AKAP19: variants seen among roughly 807,000 people sequenced by gnomAD.
AKAP19 encodes the protein A-kinase anchoring protein 19.
the AKAP19 span, chr2:190,200,301 GC>G: frequency 1.5e-6 from 1 of 667,616 alleles, no homozygotes; most frequent in South Asian, 2.0e-5. Context: ...AGGATGAAAT[GC>G]ATTTTAAGTA....
chr2:190,129,612 G>T, the AKAP19 span, among the ~76,000 whole-genome samples: 5 of 152,090 alleles, frequency 3.3e-5, no homozygotes, highest in African/African-American at 4.8e-5. Context: ...GCATAGTATA[G>T]TCTAATGTTG....
At chr2:190,166,665 C>T in the AKAP19 span, among the ~76,000 whole-genome samples, 1,763 of 151,934 alleles carry the variant, frequency 0.012, 25 homozygotes, top group African/African-American at 0.04. Flanking sequence ...AGTAGAGAAA[C>T]CATTTGCTTA....
At chr2:190,026,522 G>T in the AKAP19 span, among the ~76,000 whole-genome samples, 3 of 152,270 alleles carry the variant, frequency 2.0e-5, no homozygotes, top group East Asian at 5.8e-4. Context: ...CAGAGCCCTG[G>T]AACCAAAACT....
chr2:190,057,976 A>G, the AKAP19 span, among the ~76,000 whole-genome samples: 2 of 151,982 alleles, frequency 1.3e-5, no homozygotes, highest in African/African-American at 2.4e-5. Context: ...AAGGAGAGAG[A>G]GAGGAGAAGA....
the AKAP19 span, among the ~76,000 whole-genome samples, chr2:189,885,134 C>A: frequency 4.5e-4 from 69 of 152,090 alleles, no homozygotes; most frequent in African/African-American, 1.6e-3. Context: ...ATAGGCATAC[C>A]CCCCATGAAG....
chr2:190,004,205 A>G, the AKAP19 span, among the ~76,000 whole-genome samples: 1 of 152,154 alleles, frequency 6.6e-6, no homozygotes, highest in Non-Finnish European at 1.5e-5. Flanking sequence ...GCACACCAGC[A>G]TGGCACATGT....
chr2:189,901,148 A>T, the AKAP19 span, among the ~76,000 whole-genome samples: 3 of 152,094 alleles, frequency 2.0e-5, no homozygotes, highest in Non-Finnish European at 4.4e-5. Context: ...CTGAAAAAAA[A>T]ATTACTAATT....
At chr2:189,958,531 A>G in the AKAP19 span, among the ~76,000 whole-genome samples, 1 of 148,654 alleles carries the variant, frequency 6.7e-6, no homozygotes, top group Non-Finnish European at 1.5e-5. Flanking sequence ...ACATATATAT[A>G]TATATATATA....
the AKAP19 span, among the ~76,000 whole-genome samples, chr2:190,191,571 C>T: frequency 0.092 from 13,964 of 152,194 alleles, 1,651 homozygotes; most frequent in African/African-American, 0.27. Context: ...TTTCCAGAGG[C>T]CATGTCATTT....
the AKAP19 span, among the ~76,000 whole-genome samples, chr2:190,032,687 G>A: frequency 6.6e-6 from 1 of 151,862 alleles, no homozygotes; most frequent in African/African-American, 2.4e-5. Context: ...TTCCCACAGT[G>A]GCTCCCCTTA....
chr2:189,917,303 C>T, the AKAP19 span: 14 of 1,415,246 alleles, frequency 9.9e-6, no homozygotes, highest in South Asian at 1.6e-4. Context: ...GGTCCTCCAT[C>T]TGTCTTTTAA....
chr2:189,963,257 C>T, the AKAP19 span, among the ~76,000 whole-genome samples: 33 of 142,766 alleles, frequency 2.3e-4, no homozygotes, highest in Non-Finnish European at 3.3e-4. Context: ...GCAGTGGCCG[C>T]GATCTCCACT....
chr2:190,163,084 T>C, the AKAP19 span, among the ~76,000 whole-genome samples: 2 of 152,174 alleles, frequency 1.3e-5, no homozygotes, highest in African/African-American at 4.8e-5. Context: ...TTTCTTAACT[T>C]TATAGTTTTA....
the AKAP19 span, among the ~76,000 whole-genome samples, chr2:190,008,783 C>T: frequency 6.7e-6 from 1 of 149,326 alleles, no homozygotes; most frequent in African/African-American, 2.5e-5. Flanking sequence ...CACCTGGTCT[C>T]CTGAAATTTA....
chr2:189,885,485 C>T, the AKAP19 span, among the ~76,000 whole-genome samples: 1 of 152,170 alleles, frequency 6.6e-6, no homozygotes, highest in African/African-American at 2.4e-5. Flanking sequence ...CTCTCAGCAG[C>T]CATCTGATTA....
chr2:190,102,331 TA>T, the AKAP19 span, among the ~76,000 whole-genome samples: 2,633 of 147,842 alleles, frequency 0.018, 67 homozygotes, highest in African/African-American at 0.06. Context: ...GAGGAATAAC[TA>T]AAAAAAAAGA....
chr2:189,998,182 C>G, the AKAP19 span, among the ~76,000 whole-genome samples: 3 of 152,246 alleles, frequency 2.0e-5, no homozygotes, highest in African/African-American at 7.2e-5. Flanking sequence ...GCACTTCTTT[C>G]AAAGAATCTG....
the AKAP19 span, among the ~76,000 whole-genome samples, chr2:189,913,547 G>T: frequency 6.6e-6 from 1 of 152,084 alleles, no homozygotes; most frequent in Non-Finnish European, 1.5e-5. Context: ...GTAGGGAAGT[G>T]ATTACTGATC....
the AKAP19 span, among the ~76,000 whole-genome samples, chr2:190,078,530 A>G: frequency 7.9e-5 from 12 of 152,316 alleles, no homozygotes; most frequent in Admixed American, 3.9e-4. Flanking sequence ...CAATGGAAAA[A>G]TGGCAAAAAG....
Sources: allele counts gnomAD v4.1 joint callset (sites outside exome capture counted in the v4.1 genomes callset), GRCh38; gene constraint gnomAD v4.1.1; transcripts MANE v1.5; gene names NCBI Gene and HGNC (gene_info 2026-07-23, HGNC 2026-07-21).